The following EPAS1 variants were observed in gnomAD, a reference collection of about 807,000 sequenced individuals.
EPAS1 encodes endothelial PAS domain protein 1.
A neutral mutation model predicts 87.9 loss-of-function variants in EPAS1; 23 were observed. That is an observed-to-expected ratio of 0.26 (90% confidence interval 0.19 to 0.37). The LOEUF (loss-of-function observed/expected upper bound fraction) is 0.37, where lower values mean the gene tolerates loss of function less well. Ranked by LOEUF, EPAS1 falls within the 10% of genes least tolerant of loss-of-function variation. The pLI is 1.00. For synonymous variants in EPAS1, 508 were observed against 444.3 expected, an observed-to-expected ratio of 1.14 and a Z score of -1.80; for missense variants, 1,138 against 1,120.7, an observed-to-expected ratio of 1.02 and a Z score of -0.22.
In EPAS1 at chr2:46,360,241, G is replaced by A. The variant is rs1684360005; in HGVS notation, c.455-397G>A. On this transcript the variant is annotated intron_variant, in intron 4 of 15. Transcript: ENST00000263734. The surrounding 1 kb of genome is among the most constrained non-coding windows in gnomAD (Gnocchi z 4.5). Reference sequence around the variant, plus strand: ...GAAGGCTTACACCCTTGGAGTAACTGTGGCCTCACTCAGACTGTCCCTTGG... The same window carrying A: ...GAAGGCTTACACCCTTGGAGTAACTATGGCCTCACTCAGACTGTCCCTTGG... 6.6e-6 allele frequency among the ~76,000 whole-genome samples: 1 copy of A among 152,244 alleles called. No homozygotes were observed. Among genetic ancestry groups the A allele is most frequent in the African/African-American group, 2.4e-5 (1 of 41,468 alleles).
Position 46,340,100 on chromosome 2 carries a change from C to T in EPAS1, c.27-6773C>T, listed in dbSNP as rs373041994. 7.4e-4 allele frequency among the ~76,000 whole-genome samples: 113 copies of T among 152,230 alleles called. 3 individuals carry two copies. In the South Asian group the frequency reaches 0.023, roughly 31 times the overall value. On this transcript the variant is annotated intron_variant, in intron 1 of 15. Transcript: ENST00000263734. ...TATTCCTGTGTACACACAGCTTTTC[C>T]CAGCTGGGCTGGGGAGTCCACGTGT...
At chr2:46,370,632 C>T (rs374552787) in intron 7 of EPAS1, among the ~76,000 whole-genome samples, 76 of 152,334 alleles carry the variant, frequency 5.0e-4, no homozygotes, top group African/African-American at 1.5e-3. Context: ...GAACTTTCTG[C>T]AGTGGAAATG....
Position 46,382,445 on chromosome 2 carries a change from A to G in EPAS1, c.2308A>G (p.Met770Val). The change falls in exon 15 of 16, where the codon ATG (methionine) becomes GTG (valine). Residue 770 changes from methionine (M) to valine (V), a missense_variant. Transcript: ENST00000263734. The stretch of plus-strand genomic sequence containing the variant: ...TTCAGATAAGTTCACCCAAAACCCC[A>G]TGAGGGGCCTGGGCCATCCCCTGAG... ...VPNDKFTQNPMRGLGHPLRHL... is the reference protein window; with the variant it reads ...VPNDKFTQNPVRGLGHPLRHL... 1.2e-6 allele frequency: 2 copies of G among 1,613,926 alleles called. No individual in the cohort carries two copies.
chr2:46,382,402 ACT>A (rs1684919242), intron 14 of EPAS1, 21 bp from the exon 15 acceptor site: 2 of 1,613,718 alleles, frequency 1.2e-6, no homozygotes, highest in East Asian at 2.2e-5. Context: ...TGCTACCGTC[ACT>A]CTCTGACTTT....
Position 46,340,876 on chromosome 2 carries a change from C to A in EPAS1, c.27-5997C>A, listed in dbSNP as rs536654897. Among the ~76,000 whole-genome samples the A allele has an allele frequency of 3.3e-5, 5 of 152,242 alleles. No homozygotes were observed. The East Asian group carries it at 7.7e-4, about 24-fold the overall frequency. ...TAGCTGGGACCACCGGTGTGTGCCACCGTGCCCAGCTAATTTCTAACTTTT... is the reference window on the plus strand; with the variant it reads ...TAGCTGGGACCACCGGTGTGTGCCAACGTGCCCAGCTAATTTCTAACTTTT... On this transcript the variant is annotated intron_variant, in intron 1 of 15. Transcript: ENST00000263734.
rs144902980 is a variant in EPAS1 at position 46,369,688 on chromosome 2, A to G, written c.780-139A>G. 163 of 701,594 alleles carry G rather than the reference A, an allele frequency of 2.3e-4. 1 individual carries two copies. The African/African-American group carries it at 2.7e-3, about 12-fold the overall frequency. The allele number at this position is 701,594 out of a possible 1,614,324, so 43.5% of individuals were successfully genotyped here. A position where few individuals can be genotyped will look rare whatever the true frequency, so the allele number is the denominator to read the frequency against. ...GCACAGTGTTCTTTTGCTTGGATAC[A>G]TGGTACAACAAGAAAGTCTGGATTG... is the stretch of plus-strand genomic sequence containing the variant. On this transcript the variant is annotated intron_variant, in intron 6 of 15. Transcript: ENST00000263734.
chr2:46,374,280 A>C (rs1290544244), intron 7 of EPAS1, among the ~76,000 whole-genome samples: 3 of 152,202 alleles, frequency 2.0e-5, no homozygotes, highest in South Asian at 4.1e-4. Flanking sequence ...CTCTCTGTCT[A>C]CCGAGAGCCT....
intron 1 of EPAS1, among the ~76,000 whole-genome samples, chr2:46,336,687 T>G (rs1214677936): frequency 1.3e-5 from 2 of 152,208 alleles, no homozygotes; most frequent in Non-Finnish European, 2.9e-5. Context: ...AGATGGCATC[T>G]TCAGTCTCAA....
Position 46,380,709 on chromosome 2 carries a change from C to T in EPAS1, c.2037C>T (p.Phe679=). 6.2e-7 allele frequency: 1 copy of T among 1,611,524 alleles called. No homozygotes were observed. The highest frequency in any genetic ancestry group is 8.5e-7 in the Non-Finnish European group (1 of 1,180,018). ...PPVSPPHVST[F]KTRSAKGFGA... is the part of the protein sequence containing the mutation. The stretch of plus-strand genomic sequence containing the variant: ...TCTCTCCACCCCATGTCTCCACCTT[C>T]AAGACAAGGTAAGTGGCAGATACTC... Residue 679 remains phenylalanine (F), a synonymous_variant, in exon 12 of 16, where the codon TTC becomes TTT. Transcript: ENST00000263734. This position sits in a 1 kb window ranked among gnomAD's most constrained non-coding sequence, Gnocchi z 4.4.
chr2:46,299,825 AAG>A (rs1297942902), intron 1 of EPAS1, among the ~76,000 whole-genome samples: 1 of 152,204 alleles, frequency 6.6e-6, no homozygotes, highest in East Asian at 1.9e-4. Context: ...GACTGTTGGA[AAG>A]AGAGAAGAAG....
Position 46,375,930 on chromosome 2 carries a change from G to C in EPAS1, c.1034+93G>C. The C allele has an allele frequency of 5.8e-6, 9 of 1,552,388 alleles. No individual in the cohort carries two copies. Among genetic ancestry groups the C allele is most frequent in the Non-Finnish European group, 8.0e-6 (9 of 1,127,474 alleles). Reference sequence around the variant, plus strand: ...GGATGACAGGCCTAGGAGATGCCAGGCCTCTCAGCGCCCTGGGCACCACCT... The same window carrying C: ...GGATGACAGGCCTAGGAGATGCCAGCCCTCTCAGCGCCCTGGGCACCACCT... On this transcript the variant is annotated intron_variant, in intron 8 of 15. Coordinates refer to ENST00000263734, the MANE Select transcript of EPAS1 (RefSeq NM_001430.5). This position sits in a 1 kb window ranked among gnomAD's most constrained non-coding sequence, Gnocchi z 4.1.
chr2:46,358,586 G>C (rs151200531), intron 4 of EPAS1, among the ~76,000 whole-genome samples: 1,647 of 152,302 alleles, frequency 0.011, 22 homozygotes, highest in South Asian at 0.039. Context: ...CTGTTCCTCA[G>C]AGTCTTTCTT....
chr2:46,314,115 C>T (rs187862304), intron 1 of EPAS1, among the ~76,000 whole-genome samples: 1 of 152,320 alleles, frequency 6.6e-6, no homozygotes, highest in East Asian at 1.9e-4. Context: ...CAGACCCAGA[C>T]TCTTTCCACA....
At chr2:46,303,988 C>T (rs559277123) in intron 1 of EPAS1, among the ~76,000 whole-genome samples, 84 of 152,272 alleles carry the variant, frequency 5.5e-4, no homozygotes, top group African/African-American at 1.8e-3. Flanking sequence ...CTTGGAAGGA[C>T]GGGAAGCCAA....
chr2:46,349,536 C>T (rs577222967), intron 2 of EPAS1, among the ~76,000 whole-genome samples: 63 of 152,360 alleles, frequency 4.1e-4, no homozygotes, highest in Non-Finnish European at 6.9e-4. Flanking sequence ...CTGGGCTCGG[C>T]CCTAGACCAG....
intron 1 of EPAS1, among the ~76,000 whole-genome samples, chr2:46,299,433 A>C (rs13394604): frequency 0.14 from 21,260 of 152,250 alleles, 2,480 homozygotes; most frequent in African/African-American, 0.32. Flanking sequence ...CCCTCGGAGC[A>C]GTCCTGGGGT....
intron 1 of EPAS1, among the ~76,000 whole-genome samples, chr2:46,305,501 A>G (rs559413293): frequency 2.6e-3 from 397 of 152,292 alleles, no homozygotes; most frequent in Non-Finnish European, 4.1e-3. Context: ...TTTTAAAGTT[A>G]TAAGTAATTT....
intron 1 of EPAS1, among the ~76,000 whole-genome samples, chr2:46,337,814 A>C (rs1022705562): frequency 6.6e-6 from 1 of 152,182 alleles, no homozygotes; most frequent in East Asian, 1.9e-4. Context: ...AGAAGGAAAC[A>C]ACCTGTGGCA....
At chr2:46,367,966 A>C (rs1684538045) in intron 6 of EPAS1, among the ~76,000 whole-genome samples, 1 of 152,182 alleles carries the variant, frequency 6.6e-6, no homozygotes, top group African/African-American at 2.4e-5. Flanking sequence ...ATTCTAGAAA[A>C]AAAAAGTAGA....
Sources: gnomAD v4.1 joint callset for allele counts (sites outside exome capture counted in the v4.1 genomes callset) on GRCh38, gnomAD v4.1.1 for gene constraint, Gnocchi (gnomAD v3.1) non-coding constraint, MANE v1.5 for transcripts, NCBI Gene and HGNC (gene_info 2026-07-23, HGNC 2026-07-21) for gene names.